Variants in ARID3A observed in about 807,000 individuals in gnomAD.
ARID3A encodes AT-rich interaction domain 3A.
In ARID3A, 11 loss-of-function variants were observed where a neutral mutation model predicts 52.7. That is an observed-to-expected ratio of 0.21 (90% CI 0.13 to 0.35). The LOEUF (loss-of-function observed/expected upper bound fraction) is 0.35. Ranked by LOEUF, ARID3A falls within the 10% of genes least tolerant of loss-of-function variation. ARID3A has a pLI of 1.00. For missense variants in ARID3A, 721 were observed against 838.5 expected (o/e 0.86, Z 1.73); for synonymous variants, 404 against 359.4 (o/e 1.12, Z -1.40).
At chr19:955,197 G>A (rs192804633) in intron 3 of ARID3A, among the ~76,000 whole-genome samples, 1,601 of 152,300 alleles carry the variant, frequency 0.011, 19 homozygotes, top group Non-Finnish European at 0.017. Context: ...GCCATGGGCA[G>A]CCTGGACACC....
intron 2 of ARID3A, among the ~76,000 whole-genome samples, chr19:930,347 C>T (rs1399457980): frequency 1.3e-5 from 2 of 151,250 alleles, no homozygotes; most frequent in Non-Finnish European, 1.5e-5. Flanking sequence ...AGGTCAGGAG[C>T]TCAAGACCAG....
At chr19:928,866 A>G (rs1014859743) in intron 1 of ARID3A, 30 of 152,300 alleles carry the variant, frequency 2.0e-4, no homozygotes, top group African/African-American at 7.0e-4. Context: ...GAGGATACCT[A>G]GATACCTGGA....
intron 3 of ARID3A, among the ~76,000 whole-genome samples, chr19:935,103 C>T (rs1046907491): frequency 5.9e-5 from 9 of 152,214 alleles, no homozygotes; most frequent in Non-Finnish European, 4.4e-5. Context: ...CTTCCTGGCA[C>T]GTGGCAGGCC....
At chr19:930,715 T>G (rs1035598112) in intron 2 of ARID3A, among the ~76,000 whole-genome samples, 3 of 150,752 alleles carry the variant, frequency 2.0e-5, no homozygotes, top group Admixed American at 1.3e-4. Context: ...TTCACCATGT[T>G]AGCCAAGATG....
Position 959,909 on chromosome 19 carries a change from G to A in ARID3A, c.694-183G>A, listed in dbSNP as rs1209732423. The stretch of plus-strand genomic sequence containing the variant: ...GGGAAGCTCGTTCACCGGCATTTCT[G>A]TCTTGCAGCCTTGTGGTTCTTCACC... On this transcript the variant is annotated intron_variant, in intron 3 of 8. Transcript: ENST00000263620. The surrounding 1 kb of genome is among the most constrained non-coding windows in gnomAD (Gnocchi z 5.0). Among the ~76,000 whole-genome samples, 10 of 152,154 alleles carry A rather than the reference G, an allele frequency of 6.6e-5. No homozygotes were observed. Among genetic ancestry groups the A allele is most frequent in the Non-Finnish European group, 4.4e-5 (3 of 68,024 alleles).
chr19:970,504 T>TTC (rs200465083), intron 8 of ARID3A, among the ~76,000 whole-genome samples: 10 of 134,020 alleles, frequency 7.5e-5, no homozygotes, highest in Admixed American at 4.5e-4. Context: ...TTTTCTTTTT[T>TTC]TTTTTTTTTT....
intron 1 of ARID3A, 83 bp downstream of exon 1, chr19:926,142 C>G (rs553895221): frequency 5.4e-5 from 8 of 148,886 alleles, no homozygotes; most frequent in Admixed American, 2.0e-4. Context: ...CAGGCGGGCC[C>G]GGGCAGGCCG....
At chr19:927,506 G>A (rs1054433478) in intron 1 of ARID3A, among the ~76,000 whole-genome samples, 4 of 151,976 alleles carry the variant, frequency 2.6e-5, no homozygotes, top group African/African-American at 7.2e-5. Flanking sequence ...AGCAGGGCTC[G>A]GAGCGGGCTG....
In ARID3A at chr19:972,929, GC is replaced by G. The variant is rs941596344; in HGVS notation, c.*865del. 16 of 198,468 alleles carry G rather than the reference GC, an allele frequency of 8.1e-5. No homozygotes were observed. Among genetic ancestry groups the G allele is most frequent in the African/African-American group, 3.5e-4 (15 of 43,134 alleles). 12.3% of individuals were successfully genotyped at this position (198,468 alleles called of 1,614,324 possible). A position where few individuals can be genotyped will look rare whatever the true frequency, so the allele number is the denominator to read the frequency against. On this transcript the variant is annotated 3_prime_UTR_variant, in exon 9 of 9. Coordinates refer to ENST00000263620, the MANE Select transcript of ARID3A (RefSeq NM_005224.3). ...GAGCCCAGCACATCGGATCCCTGGGGCTAGAGCCGCGGAGCCAATGAACTCA... is the reference window on the plus strand; with the variant it reads ...GAGCCCAGCACATCGGATCCCTGGGGTAGAGCCGCGGAGCCAATGAACTCA...
Position 932,699 on chromosome 19 carries a change from C to T in ARID3A, c.650C>T (p.Pro217Leu), listed in dbSNP as rs367623103. The T allele has an allele frequency of 3.9e-5, 61 of 1,547,064 alleles. No homozygotes were observed. Among genetic ancestry groups the T allele is most frequent in the Non-Finnish European group, 5.0e-5 (57 of 1,146,428 alleles). Reference sequence around the variant, plus strand: ...GCCCACGTAGCCCCGCAGCTGCAGCCGCCTGACCACGGCGACTGGACTTAC... The same window carrying T: ...GCCCACGTAGCCCCGCAGCTGCAGCTGCCTGACCACGGCGACTGGACTTAC... ...GAAHVAPQLQ[P>L]PDHGDWTYEE... The change falls in exon 3 of 9, where the codon CCG becomes CTG. Residue 217 changes from proline to leucine, a missense_variant. Physicochemically the swap from Pro to Leu is moderately conservative, Grantham distance 98. Coordinates refer to ENST00000263620, the MANE Select transcript of ARID3A (RefSeq NM_005224.3).
chr19:955,347 C>T (rs918245172), intron 3 of ARID3A, among the ~76,000 whole-genome samples: 10 of 152,212 alleles, frequency 6.6e-5, no homozygotes, highest in African/African-American at 1.9e-4. Context: ...CTGCCCACAG[C>T]AACGGCCATT....
In ARID3A at chr19:947,749, C is replaced by T. The variant is rs1404165322; in HGVS notation, c.694-12343C>T. ...ATTTCTGGAGAGTGTTATTAATATC[C>T]GCCCCGTGGGTGCGGCGCTGTGTAT... On this transcript the variant is annotated intron_variant, in intron 3 of 8. Transcript: ENST00000263620. This position sits in a 1 kb window ranked among gnomAD's most constrained non-coding sequence, Gnocchi z 6.3. Among the ~76,000 whole-genome samples, 1 of 152,174 alleles carries T rather than the reference C, an allele frequency of 6.6e-6. No individual in the cohort carries two copies. Among genetic ancestry groups the T allele is most frequent in the South Asian group, 2.1e-4 (1 of 4,824 alleles).
Position 973,010 on chromosome 19 carries a change from G to C in ARID3A, c.*945G>C, listed in dbSNP as rs1416222048. 1 of 202,362 alleles carries C rather than the reference G, an allele frequency of 4.9e-6. No homozygotes were observed. Among genetic ancestry groups the C allele is most frequent in the Non-Finnish European group, 1.0e-5 (1 of 98,560 alleles). 12.5% of individuals were successfully genotyped at this position (202,362 alleles called of 1,614,324 possible). A position where few individuals can be genotyped will look rare whatever the true frequency, so the allele number is the denominator to read the frequency against. ...TGCATGCTGGGGTCCCACCGGCCAG[G>C]GGCCCCTGACAGTGAATTGCTGACT... On this transcript the variant is annotated 3_prime_UTR_variant, in exon 9 of 9. Transcript: ENST00000263620.
chr19:953,757 TG>T (rs2037855142), intron 3 of ARID3A, among the ~76,000 whole-genome samples: 1 of 149,228 alleles, frequency 6.7e-6, no homozygotes, highest in South Asian at 2.1e-4. Context: ...GGCCCTGGGG[TG>T]GGGGCCTGTG....
At chr19:945,103 C>T (rs1454675448) in intron 3 of ARID3A, among the ~76,000 whole-genome samples, 1 of 152,222 alleles carries the variant, frequency 6.6e-6, no homozygotes, top group Non-Finnish European at 1.5e-5. Context: ...GGACCTGGTT[C>T]TTGGGGAAGA....
intron 2 of ARID3A, among the ~76,000 whole-genome samples, 182 bp from the exon 3 acceptor site, chr19:932,236 A>C (rs1488266855): frequency 1.3e-5 from 2 of 152,128 alleles, no homozygotes; most frequent in African/African-American, 2.4e-5. Flanking sequence ...AATTGGAAAC[A>C]AAGTGGGCGT....
intron 3 of ARID3A, among the ~76,000 whole-genome samples, chr19:954,607 G>C (rs573875668): frequency 1.4e-3 from 213 of 152,338 alleles, no homozygotes; most frequent in African/African-American, 4.8e-3. Flanking sequence ...CGAGGGCTGG[G>C]GGTCCAAGGG....
In ARID3A at chr19:947,952, G is replaced by C. The variant is rs771085926; in HGVS notation, c.694-12140G>C. Among the ~76,000 whole-genome samples, 4 of 152,160 alleles carry C rather than the reference G, an allele frequency of 2.6e-5. No individual in the cohort carries two copies. Among genetic ancestry groups the C allele is most frequent in the African/African-American group, 9.7e-5 (4 of 41,438 alleles). On this transcript the variant is annotated intron_variant, in intron 3 of 8. Transcript: ENST00000263620. The surrounding 1 kb of genome is among the most constrained non-coding windows in gnomAD (Gnocchi z 6.3). ...AAAGGACCTCGTGGCTTAGGCAGGC[G>C]GGGGAGCCCCCCGGCTGGTCAGGTG...
intron 6 of ARID3A, chr19:965,365 T>C: frequency 2.5e-6 from 1 of 395,888 alleles, no homozygotes; most frequent in South Asian, 3.5e-5. Context: ...GTTTTTCCAG[T>C]CTACACTGAG....
Sources: gnomAD v4.1 joint callset for allele counts (sites outside exome capture counted in the v4.1 genomes callset) on GRCh38, gnomAD v4.1.1 for gene constraint, Gnocchi (gnomAD v3.1) non-coding constraint, MANE v1.5 for transcripts, NCBI Gene and HGNC (gene_info 2026-07-23, HGNC 2026-07-21) for gene names.